CEBPZOS: variants seen among roughly 807,000 people sequenced by gnomAD.
CEBPZOS encodes the protein CEBPZ opposite strand, also known as protein CEBPZOS.
In CEBPZOS, 10 loss-of-function variants were observed where a neutral mutation model predicts 4.8. That is an observed-to-expected ratio of 2.07 (90% confidence interval 1.28 to 3.52). The LOEUF (loss-of-function observed/expected upper bound fraction) is 3.52. Among genes scored for constraint, CEBPZOS ranks in the 30% most tolerant of loss-of-function variants. The pLI is 0.00. For missense variants in CEBPZOS, 98 were observed against 43.6 expected (o/e 2.25, Z -3.51); for synonymous variants, 25 against 14.2 (o/e 1.77, Z -1.72).
downstream of CEBPZOS, chr2:37,204,790 T>G (rs1329827939): frequency 6.6e-6 from 1 of 152,260 alleles, no homozygotes; most frequent in Admixed American, 6.5e-5. Context: ...TTCTTTAATC[T>G]GCATCCAAAA....
intron 2 of CEBPZOS, 120 bp downstream of exon 2, chr2:37,199,939 C>T (rs1677136126): frequency 3.2e-6 from 2 of 621,296 alleles, no homozygotes; most frequent in Non-Finnish European, 5.9e-6. Flanking sequence ...AGATATTAGA[C>T]ATTTTTAGGG....
chr2:37,199,802 A>G lies in CEBPZOS; in HGVS notation c.98A>G (p.Lys33Arg). 1 of 717,746 alleles carries G rather than the reference A, an allele frequency of 1.4e-6. No homozygotes were observed. The highest frequency in any genetic ancestry group is 2.6e-6 in the Non-Finnish European group (1 of 385,142). The allele number at this position is 717,746 out of a possible 1,614,324, so 44.5% of individuals were successfully genotyped here. ...TTTGGAGCATATTTTTTGTTTAGCA[A>G]GATGCACACAAGCCAAGGTAATCAT... ...GVFGAYFLFS[K>R]MHTSQDFRQT... Residue 33 changes from lysine to arginine, a missense_variant, in exon 2 of 5, where the codon AAG becomes AGG. Transcript: ENST00000402297.
At chr2:37,199,470 CTCTT>C (rs1488222227) in intron 1 of CEBPZOS, among the ~76,000 whole-genome samples, 1 of 152,212 alleles carries the variant, frequency 6.6e-6, no homozygotes, top group East Asian at 1.9e-4. Flanking sequence ...TGCATTTTCT[CTCTT>C]TCCTGTGCTT....
intron 1 of CEBPZOS, among the ~76,000 whole-genome samples, chr2:37,198,327 G>A (rs567608772): frequency 6.6e-6 from 1 of 152,188 alleles, no homozygotes; most frequent in East Asian, 1.9e-4. Flanking sequence ...AAATTTCTTT[G>A]CTTCATTTCT....
At chr2:37,212,500 G>T (rs950307410) in intron 4 of CEBPZOS, 4 of 905,860 alleles carry the variant, frequency 4.4e-6, no homozygotes. Flanking sequence ...TTTATGACAA[G>T]TGAACACCAA....
At chr2:37,201,245 G>T in intron 3 of CEBPZOS, 153 bp downstream of exon 3, 1 of 586,872 alleles carries the variant, frequency 1.7e-6, no homozygotes, top group Non-Finnish European at 3.0e-6. Context: ...TCTAGTGAGA[G>T]GAGAATTAGG....
At chr2:37,200,901 C>G in intron 2 of CEBPZOS, 147 bp from the exon 3 acceptor site, 1 of 574,878 alleles carries the variant, frequency 1.7e-6, no homozygotes, top group Non-Finnish European at 3.1e-6. Flanking sequence ...GGAGATCGTT[C>G]CTGGATTACC....
chr2:37,198,938 G>C (rs1026946191), intron 1 of CEBPZOS, among the ~76,000 whole-genome samples: 3 of 152,132 alleles, frequency 2.0e-5, no homozygotes, highest in African/African-American at 7.2e-5. Context: ...CGGATTGCTT[G>C]AGCTCACGGG....
At chr2:37,211,128 G>C (rs1344228791) in intron 4 of CEBPZOS, 2 of 1,283,036 alleles carry the variant, frequency 1.6e-6, no homozygotes, top group African/African-American at 1.5e-5. Flanking sequence ...AAAACAATAA[G>C]ACTGGAAAAT....
At chr2:37,211,724 G>T in intron 4 of CEBPZOS, 1 of 691,128 alleles carries the variant, frequency 1.4e-6, no homozygotes. Context: ...TAAGTTTCTG[G>T]CTGACATGAG....
downstream of CEBPZOS, among the ~76,000 whole-genome samples, chr2:37,214,450 T>C (rs1447500632): frequency 6.6e-6 from 1 of 152,260 alleles, no homozygotes; most frequent in South Asian, 2.1e-4. Flanking sequence ...GAGTTATCAC[T>C]ATATTAAACT....
At chr2:37,211,585 T>G in intron 4 of CEBPZOS, 1 of 381,510 alleles carries the variant, frequency 2.6e-6, no homozygotes. Context: ...CAGCTCAACA[T>G]GTATTGTACA....
rs906044880 is a variant in CEBPZOS, at chr2:37,199,121, A to G, written c.-1-583A>G. ...CCACTGCACTCCAAATGCCTGAACT[A>G]TGGCACAGTTTAGTATATGTTGTAT... On this transcript the variant is annotated intron_variant, in intron 1 of 4. Coordinates refer to ENST00000402297, the MANE Select transcript of CEBPZOS (RefSeq NM_001322374.2). Among the ~76,000 whole-genome samples, 3 of 152,186 alleles carry G rather than the reference A, an allele frequency of 2.0e-5. No individual in the cohort carries two copies. The South Asian group carries it at 6.2e-4, about 32-fold the overall frequency.
chr2:37,206,448 A>C (rs1392184193), downstream of CEBPZOS, among the ~76,000 whole-genome samples: 2 of 152,172 alleles, frequency 1.3e-5, no homozygotes, highest in African/African-American at 4.8e-5. Flanking sequence ...ACCTCTGCCT[A>C]ATGGGTTCAA....
At chr2:37,208,950 A>T (rs1035173173), downstream of CEBPZOS, 3 of 152,144 alleles carry the variant, frequency 2.0e-5, no homozygotes, top group African/African-American at 7.2e-5. Flanking sequence ...GTTTCAGGAT[A>T]CAAAATCAAT....
chr2:37,199,167 T>C (rs1410272970), intron 1 of CEBPZOS, among the ~76,000 whole-genome samples: 1 of 152,098 alleles, frequency 6.6e-6, no homozygotes, highest in East Asian at 1.9e-4. Context: ...GTATATGTTG[T>C]ATTATTAGTA....
chr2:37,214,396 C>G (rs1041325831), downstream of CEBPZOS, among the ~76,000 whole-genome samples: 21 of 152,190 alleles, frequency 1.4e-4, no homozygotes, highest in African/African-American at 5.1e-4. Flanking sequence ...TATAACAGTG[C>G]ACTGAATCCA....
In CEBPZOS at chr2:37,203,021, G is replaced by GT. The variant is rs1677355538; in HGVS notation, c.*1162dup. ...TTTTTTCTTGGCCCTAAAAAAAATT[G>GT]TAAGTCTACATTATTCAATTATAAA... On this transcript the variant is annotated 3_prime_UTR_variant, in exon 5 of 5. Transcript: ENST00000402297. 4.0e-6 allele frequency: 6 copies of GT among 1,500,720 alleles called. No homozygotes were observed. Among genetic ancestry groups the GT allele is most frequent in the African/African-American group, 2.8e-5 (2 of 70,504 alleles). 93.0% of individuals were successfully genotyped at this position (1,500,720 alleles called of 1,614,324 possible). A position where few individuals can be genotyped will look rare whatever the true frequency, so the allele number is the denominator to read the frequency against.
intron 4 of CEBPZOS, among the ~76,000 whole-genome samples, chr2:37,212,875 AAAAC>A (rs1306717479): frequency 1.3e-5 from 2 of 150,670 alleles, no homozygotes; most frequent in Non-Finnish European, 3.0e-5. Flanking sequence ...AACAAAAAAA[AAAAC>A]AAAAAAAAAA....
Sources: allele counts gnomAD v4.1 joint callset (sites outside exome capture counted in the v4.1 genomes callset), GRCh38; gene constraint gnomAD v4.1.1; transcripts MANE v1.5; gene names NCBI Gene and HGNC (gene_info 2026-07-23, HGNC 2026-07-21).